Variants in TAF5L observed in about 807,000 individuals in gnomAD.
TAF5L encodes the protein TAF5-like RNA polymerase II p300/CBP-associated factor-associated factor 65 kDa subunit 5L.
Under a neutral mutation model 51.3 loss-of-function variants are expected in TAF5L, and 7 were observed. That is an observed-to-expected ratio of 0.14 (90% CI 0.08 to 0.26). The LOEUF (loss-of-function observed/expected upper bound fraction) is 0.26, where lower values mean the gene tolerates loss of function less well. TAF5L is among the 10% of genes least tolerant of loss of function. The pLI is 1.00. For synonymous variants in TAF5L, 291 were observed against 308.1 expected (o/e 0.94, Z 0.58); for missense variants, 575 against 758.9 (o/e 0.76, Z 2.85).
intron 3 of TAF5L, among the ~76,000 whole-genome samples, 184 bp downstream of exon 3, chr1:229,609,922 C>T (rs1664728091): frequency 6.6e-6 from 1 of 152,154 alleles, no homozygotes; most frequent in Admixed American, 6.5e-5. Flanking sequence ...CCTTCGAATC[C>T]CTAGTACCTC....
At chr1:229,614,548 C>T in intron 1 of TAF5L, 63 bp from the exon 2 acceptor site, 1 of 1,590,206 alleles carries the variant, frequency 6.3e-7, no homozygotes, top group South Asian at 1.1e-5. Flanking sequence ...ACCTATCTAA[C>T]TGCACCATCG....
At chr1:229,600,450 G>A in intron 4 of TAF5L, 5 of 985,390 alleles carry the variant, frequency 5.1e-6, no homozygotes, top group South Asian at 4.7e-5. Context: ...CTTCTTGATG[G>A]ACATCCAACT....
At chr1:229,616,385 T>TTA (rs1665006849) in intron 1 of TAF5L, among the ~76,000 whole-genome samples, 2 of 151,828 alleles carry the variant, frequency 1.3e-5, no homozygotes, top group Non-Finnish European at 2.9e-5. Context: ...TTTTTTTTTT[T>TTA]AGTAGAGAAG....
At chr1:229,605,108 GTA>G (rs3085931) in intron 3 of TAF5L, among the ~76,000 whole-genome samples, 14 of 118,560 alleles carry the variant, frequency 1.2e-4, no homozygotes, top group South Asian at 3.0e-4. Context: ...ATTTTTGTAT[GTA>G]TATATATATA....
At chr1:229,614,566 G>T in intron 1 of TAF5L, 81 bp from the exon 2 acceptor site, 2 of 1,551,856 alleles carry the variant, frequency 1.3e-6, no homozygotes, top group Admixed American at 1.8e-5. Flanking sequence ...TCGCAGATGG[G>T]TAGGACACAT....
rs1365018828 is a variant in TAF5L at position 229,625,814 on chromosome 1, C to CCCCG, written c.-4+67_-4+70dup. 2.2e-5 allele frequency: 3 copies of CCCCG among 138,168 alleles called. No homozygotes were observed. Among genetic ancestry groups the CCCCG allele is most frequent in the Non-Finnish European group, 3.2e-5 (2 of 62,674 alleles). 8.6% of individuals were successfully genotyped at this position (138,168 alleles called of 1,614,324 possible). A position where few individuals can be genotyped will look rare whatever the true frequency, so the allele number is the denominator to read the frequency against. ...CCCGCCGAGGCCCCACCGCCCCGGCCCCCGCCCGCCCGCGCGCGCGCGCGC... is the reference window on the plus strand; with the variant it reads ...CCCGCCGAGGCCCCACCGCCCCGGCCCCCGCCCGCCCGCCCGCGCGCGCGCGCGC... On this transcript the variant is annotated intron_variant, in intron 1 of 4. Coordinates refer to ENST00000258281, the Ensembl canonical transcript of TAF5L. The surrounding 1 kb of genome is among the most constrained non-coding windows in gnomAD (Gnocchi z 4.0).
chr1:229,594,485 C>A lies in TAF5L; in HGVS notation c.1582G>T (p.Ala528Ser). The A allele has an allele frequency of 6.2e-7, 1 of 1,614,118 alleles. No individual in the cohort carries two copies. The highest frequency in any genetic ancestry group is 8.5e-7 in the Non-Finnish European group (1 of 1,179,994). ...ACGCGCACCGAGTTGTCCATGGAGGCAGAGGCAATCAAGCCGCTGTCTGGA... is the reference window on the plus strand; with the variant it reads ...ACGCGCACCGAGTTGTCCATGGAGGAAGAGGCAATCAAGCCGCTGTCTGGA... Residue 528 changes from alanine to serine, a missense_variant, in exon 5 of 5, where the codon GCC (alanine) becomes TCC (serine). Around this residue, in one of 3 missense-constraint regions of TAF5L, gnomAD observed 91 missense variants for 96.9 expected, o/e 0.94. Transcript: ENST00000258281. This position sits in a 1 kb window ranked among gnomAD's most constrained non-coding sequence, Gnocchi z 7.9.
intron 1 of TAF5L, among the ~76,000 whole-genome samples, chr1:229,615,913 T>C (rs765308248): frequency 6.6e-6 from 1 of 152,226 alleles, no homozygotes; most frequent in Non-Finnish European, 1.5e-5. Context: ...AGTTGTTTTG[T>C]GTGGGAGATC....
intron 4 of TAF5L, chr1:229,601,961 G>A (rs1049604368): frequency 7.4e-7 from 1 of 1,352,518 alleles, no homozygotes; most frequent in Non-Finnish European, 9.5e-7. Flanking sequence ...ATTTCACATA[G>A]TATAAATACT....
exon 3 of TAF5L, chr1:229,610,180 A>G: frequency 6.2e-7 from 1 of 1,614,172 alleles, no homozygotes; most frequent in East Asian, 2.2e-5. Flanking sequence ...GGCTGCAGAC[A>G]CTATGTTGGC....
intron 4 of TAF5L, among the ~76,000 whole-genome samples, chr1:229,598,554 A>G (rs1664217299): frequency 6.6e-6 from 1 of 152,166 alleles, no homozygotes; most frequent in Non-Finnish European, 1.5e-5. Flanking sequence ...GCTGGTAGTG[A>G]TAAGGGTAGC....
intron 4 of TAF5L, chr1:229,600,830 T>C (rs1001372644): frequency 1.4e-5 from 14 of 985,138 alleles, no homozygotes; most frequent in African/African-American, 1.7e-5. Flanking sequence ...TCAGATGTCA[T>C]AATGCTATCT....
intron 4 of TAF5L, chr1:229,601,854 G>A: frequency 9.5e-7 from 1 of 1,054,380 alleles, no homozygotes; most frequent in South Asian, 3.4e-5. Context: ...TTGTACCTGA[G>A]CAAATGTGCA....
At chr1:229,603,407 C>A (rs1298204287) in intron 3 of TAF5L, among the ~76,000 whole-genome samples, 2 of 152,158 alleles carry the variant, frequency 1.3e-5, no homozygotes, top group African/African-American at 4.8e-5. Flanking sequence ...GTCCGCTTAA[C>A]AAGTAAGTAC....
chr1:229,623,197 C>T (rs568698833), intron 1 of TAF5L, among the ~76,000 whole-genome samples: 1 of 152,330 alleles, frequency 6.6e-6, no homozygotes, highest in South Asian at 2.1e-4. Context: ...TCGCTTGAAC[C>T]CGGAAGGCGG....
intron 3 of TAF5L, among the ~76,000 whole-genome samples, chr1:229,604,441 C>A (rs561662237): frequency 2.6e-5 from 4 of 152,178 alleles, no homozygotes; most frequent in African/African-American, 7.2e-5. Context: ...AGCCACCCAG[C>A]CACTTTGGGC....
chr1:229,624,060 A>G lies in TAF5L; in HGVS notation c.-4+1825T>C, dbSNP rs551320427. Among the ~76,000 whole-genome samples, 4 of 152,248 alleles carry G rather than the reference A, an allele frequency of 2.6e-5. No individual in the cohort carries two copies. The East Asian group carries it at 7.7e-4, about 29-fold the overall frequency. ...CTGAGTAATACTGGTTTAACAGATG[A>G]CCCCTAGAGCTCCCTTCCAGCAAAA... is the stretch of plus-strand genomic sequence containing the variant. On this transcript the variant is annotated intron_variant, in intron 1 of 4. Transcript: ENST00000258281.
rs545922177 is a variant in TAF5L at position 229,604,027 on chromosome 1, G to A, written c.248-1108C>T. On this transcript the variant is annotated intron_variant, in intron 3 of 4. Coordinates refer to ENST00000258281, the Ensembl canonical transcript of TAF5L. ...TATTTTCAACTTGACTGCCTTTGGG[G>A]TTTTGCTTGTCCCTTATCTGTAATG... Among the ~76,000 whole-genome samples the A allele has an allele frequency of 7.9e-5, 12 of 152,268 alleles. No homozygotes were observed. The East Asian group carries it at 1.2e-3, about 15-fold the overall frequency.
chr1:229,599,706 C>A lies in TAF5L; in HGVS notation c.972+2489G>T, dbSNP rs369979179. On this transcript the variant is annotated intron_variant, in intron 4 of 4. Transcript: ENST00000258281. ...TCTTGATGGCCATTTGGACTGTTTC[C>A]ACTTTTTGGCTATTGTGAATAATGC... is the stretch of plus-strand genomic sequence containing the variant. 3 of 587,212 alleles carry A rather than the reference C, an allele frequency of 5.1e-6. No homozygotes were observed. The African/African-American group carries it at 6.1e-5, about 12-fold the overall frequency. The allele number at this position is 587,212 out of a possible 1,614,324, so 36.4% of individuals were successfully genotyped here.
Sources: allele counts gnomAD v4.1 joint callset (sites outside exome capture counted in the v4.1 genomes callset), GRCh38; gene constraint gnomAD v4.1.1; regional missense constraint gnomAD v4.1.1; non-coding constraint Gnocchi (gnomAD v3.1); transcripts MANE v1.5; gene names NCBI Gene and HGNC (gene_info 2026-07-23, HGNC 2026-07-21).